TANGO6: variants seen among roughly 807,000 people sequenced by gnomAD.
TANGO6 encodes transport and golgi organization 6 homolog.
A neutral mutation model predicts 114.2 loss-of-function variants in TANGO6; 90 were observed. That is an observed-to-expected ratio of 0.79 (90% CI 0.66 to 0.94). TANGO6 has a LOEUF of 0.94. Among genes scored for constraint, TANGO6 ranks in the 40% least tolerant of loss-of-function variants. The pLI is 0.00. For missense variants in TANGO6, 1,274 were observed against 1,315.3 expected, an observed-to-expected ratio of 0.97 and a Z score of 0.49; for synonymous variants, 477 against 509.8, an observed-to-expected ratio of 0.94 and a Z score of 0.87.
chr16:69,075,554 A>C (rs1413250314), intron 17 of TANGO6, among the ~76,000 whole-genome samples: 1 of 151,574 alleles, frequency 6.6e-6, no homozygotes, highest in Non-Finnish European at 1.5e-5. Context: ...CCTGGGTTCA[A>C]GCAATCCCCT....
chr16:69,026,035 T>C (rs1959496511), intron 16 of TANGO6: 1 of 152,592 alleles, frequency 6.6e-6, no homozygotes, highest in Admixed American at 6.6e-5. Flanking sequence ...AGAGTTTCAC[T>C]CTGTTGCCCA....
At chr16:68,875,025 GA>G (rs1185854025) in intron 4 of TANGO6, 128 bp from the exon 5 acceptor site, 21 of 970,526 alleles carry the variant, frequency 2.2e-5, no homozygotes, top group Admixed American at 9.4e-5. Context: ...TTATCTTATA[GA>G]AAAAAATAAA....
chr16:68,943,261 A>T (rs1213961183), intron 14 of TANGO6, among the ~76,000 whole-genome samples: 67 of 121,740 alleles, frequency 5.5e-4, no homozygotes, highest in African/African-American at 6.6e-4. Context: ...TTTTTTCTTT[A>T]TTTTATTTTA....
chr16:68,911,552 G>C (rs1337343071), intron 11 of TANGO6, among the ~76,000 whole-genome samples: 1 of 151,936 alleles, frequency 6.6e-6, no homozygotes, highest in East Asian at 1.9e-4. Context: ...AAGTAGCTGG[G>C]ATTACAGGCA....
intron 15 of TANGO6, among the ~76,000 whole-genome samples, chr16:68,981,697 G>T (rs12930119): frequency 6.6e-6 from 1 of 152,152 alleles, no homozygotes; most frequent in East Asian, 1.9e-4. Flanking sequence ...ATTGCCTAGA[G>T]AATTAATCTG....
chr16:68,897,482 C>T (rs896389895), intron 7 of TANGO6, among the ~76,000 whole-genome samples: 3 of 151,890 alleles, frequency 2.0e-5, no homozygotes, highest in Admixed American at 6.6e-5. Context: ...GTATAAATAG[C>T]TGTACATTAT....
At chr16:69,070,632 CAA>C (rs576612652) in intron 17 of TANGO6, among the ~76,000 whole-genome samples, 2 of 87,046 alleles carry the variant, frequency 2.3e-5, no homozygotes, top group Admixed American at 1.3e-4. Context: ...GACTCCATCT[CAA>C]AAAAAAAAAA....
chr16:68,887,331 G>A (rs922646597), intron 7 of TANGO6, among the ~76,000 whole-genome samples: 16 of 152,190 alleles, frequency 1.1e-4, no homozygotes, highest in South Asian at 2.1e-4. Flanking sequence ...AGAGCAGCCC[G>A]TGTCACCTTT....
At chr16:69,011,311 A>G (rs1235559213) in intron 15 of TANGO6, among the ~76,000 whole-genome samples, 3 of 152,156 alleles carry the variant, frequency 2.0e-5, no homozygotes, top group Non-Finnish European at 4.4e-5. Flanking sequence ...TTTTAAAAGA[A>G]TGGTGTAAGA....
intron 14 of TANGO6, among the ~76,000 whole-genome samples, chr16:68,950,875 T>A (rs1360549454): frequency 6.6e-6 from 1 of 151,826 alleles, no homozygotes; most frequent in Non-Finnish European, 1.5e-5. Flanking sequence ...AAAGTAAATT[T>A]AAAAAATTTA....
chr16:68,957,997 C>T (rs1285234446), intron 14 of TANGO6, among the ~76,000 whole-genome samples: 1 of 151,392 alleles, frequency 6.6e-6, no homozygotes, highest in Non-Finnish European at 1.5e-5. Flanking sequence ...CATGGTGAAA[C>T]CCCGTTTCCA....
At chr16:68,959,261 A>G (rs1190758170) in intron 14 of TANGO6, among the ~76,000 whole-genome samples, 2 of 152,180 alleles carry the variant, frequency 1.3e-5, no homozygotes, top group Admixed American at 6.6e-5. Flanking sequence ...AGACTTGCCT[A>G]ATCATGTCAT....
At chr16:68,989,296 AT>A (rs112781786) in intron 15 of TANGO6, among the ~76,000 whole-genome samples, 37,130 of 147,148 alleles carry the variant, frequency 0.25, 5,859 homozygotes, top group African/African-American at 0.46. Context: ...GCTCTGTTCA[AT>A]TTTTTTTTTT....
intron 17 of TANGO6, among the ~76,000 whole-genome samples, chr16:69,051,879 A>G (rs1317106179): frequency 1.3e-5 from 2 of 149,742 alleles, no homozygotes; most frequent in African/African-American, 4.9e-5. Context: ...TTTTTTCCAT[A>G]TTTACAGATG....
At chr16:69,022,351 A>G (rs1597061507) in intron 15 of TANGO6, among the ~76,000 whole-genome samples, 1 of 152,212 alleles carries the variant, frequency 6.6e-6, no homozygotes, top group African/African-American at 2.4e-5. Flanking sequence ...AATATTTTTC[A>G]TAACATGAAA....
intron 16 of TANGO6, among the ~76,000 whole-genome samples, chr16:69,031,134 G>A (rs1242555324): frequency 3.3e-5 from 5 of 151,818 alleles, no homozygotes. Flanking sequence ...CTGCTTTGGG[G>A]CACCTTCCTG....
chr16:68,859,031 T>C (rs992900774), intron 1 of TANGO6, among the ~76,000 whole-genome samples: 4 of 152,200 alleles, frequency 2.6e-5, no homozygotes, highest in Non-Finnish European at 2.9e-5. Context: ...TGATAGGAAA[T>C]AGATATCTGT....
At chr16:69,082,181 C>A (rs1960474816) in intron 17 of TANGO6, among the ~76,000 whole-genome samples, 1 of 152,176 alleles carries the variant, frequency 6.6e-6, no homozygotes, top group South Asian at 2.1e-4. Context: ...AACAAGGTTT[C>A]ACTGTGTTGG....
intron 15 of TANGO6, among the ~76,000 whole-genome samples, chr16:69,020,726 C>G (rs1452969176): frequency 2.6e-5 from 4 of 151,882 alleles, no homozygotes; most frequent in African/African-American, 9.7e-5. Flanking sequence ...ATAGTGAGAC[C>G]CTGTTTCTAC....
Sources: gnomAD v4.1 joint callset for allele counts (sites outside exome capture counted in the v4.1 genomes callset) on GRCh38, gnomAD v4.1.1 for gene constraint, MANE v1.5 for transcripts, NCBI Gene and HGNC (gene_info 2026-07-23, HGNC 2026-07-21) for gene names.